PRKCE: variants seen among roughly 807,000 people sequenced by gnomAD.
PRKCE encodes protein kinase C epsilon type.
Under a neutral mutation model 85.4 loss-of-function variants are expected in PRKCE, and 16 were observed. The observed-to-expected ratio is 0.19, with a 90% CI of 0.13 to 0.28. The LOEUF is 0.28. PRKCE is among the 10% of genes least tolerant of loss of function. The pLI is 1.00. For missense variants in PRKCE, 573 were observed against 975.2 expected, an observed-to-expected ratio of 0.59 and a Z score of 5.49; for synonymous variants, 388 against 371.5, an observed-to-expected ratio of 1.04 and a Z score of -0.51.
chr2:46,016,993 C>T (rs532354778), intron 10 of PRKCE, among the ~76,000 whole-genome samples: 9 of 147,792 alleles, frequency 6.1e-5, no homozygotes, highest in East Asian at 4.0e-4. Context: ...TATGAATTCA[C>T]CTACCATACT....
chr2:45,777,103 C>T (rs1316972003), intron 1 of PRKCE, among the ~76,000 whole-genome samples: 3 of 152,046 alleles, frequency 2.0e-5, no homozygotes, highest in African/African-American at 7.2e-5. Flanking sequence ...TTACAGTCCA[C>T]AATTAATAAT....
chr2:45,654,983 C>T (rs1240571596), intron 1 of PRKCE, among the ~76,000 whole-genome samples: 3 of 152,208 alleles, frequency 2.0e-5, no homozygotes, highest in Non-Finnish European at 4.4e-5. Flanking sequence ...AAGAAACACA[C>T]CCTTCTCAGG....
intron 1 of PRKCE, among the ~76,000 whole-genome samples, chr2:45,725,555 C>T (rs551887083): frequency 6.6e-6 from 1 of 152,028 alleles, no homozygotes; most frequent in Non-Finnish European, 1.5e-5. Flanking sequence ...TTCTAGATGC[C>T]ATTAAGAACA....
At chr2:45,830,911 G>C (rs1322825114) in intron 1 of PRKCE, among the ~76,000 whole-genome samples, 5 of 152,212 alleles carry the variant, frequency 3.3e-5, no homozygotes, top group African/African-American at 1.2e-4. Flanking sequence ...AGAATGTACT[G>C]TCCTAGCAAA....
At chr2:45,979,577 G>A (rs984196893) in intron 4 of PRKCE, among the ~76,000 whole-genome samples, 1 of 152,156 alleles carries the variant, frequency 6.6e-6, no homozygotes, top group African/African-American at 2.4e-5. Context: ...CAAAATTGGA[G>A]GGTGGAAATG....
At chr2:45,997,546 T>C (rs1230251761) in intron 6 of PRKCE, among the ~76,000 whole-genome samples, 3 of 152,010 alleles carry the variant, frequency 2.0e-5, no homozygotes, top group Non-Finnish European at 2.9e-5. Context: ...TTATTTTTAT[T>C]TTATTTATTT....
chr2:45,728,172 G>A (rs1197467828), intron 1 of PRKCE, among the ~76,000 whole-genome samples: 1 of 152,174 alleles, frequency 6.6e-6, no homozygotes, highest in Admixed American at 6.5e-5. Context: ...TCCCATCAAG[G>A]GAGTAAGGTG....
chr2:46,154,947 C>G (rs916417125), intron 13 of PRKCE, among the ~76,000 whole-genome samples: 1 of 152,176 alleles, frequency 6.6e-6, no homozygotes, highest in Non-Finnish European at 1.5e-5. Context: ...GGGCTGAGAA[C>G]AGTGCCAAGC....
intron 1 of PRKCE, among the ~76,000 whole-genome samples, chr2:45,687,096 A>G (rs1358433731): frequency 6.6e-6 from 1 of 152,178 alleles, no homozygotes; most frequent in Non-Finnish European, 1.5e-5. Context: ...AGATTGATAT[A>G]TTAAATTTCC....
At chr2:45,788,391 C>G (rs1686780013) in intron 1 of PRKCE, among the ~76,000 whole-genome samples, 1 of 152,180 alleles carries the variant, frequency 6.6e-6, no homozygotes, top group African/African-American at 2.4e-5. Context: ...GTTCACAGAG[C>G]CATTCTGGAT....
chr2:46,040,277 G>A (rs1179811567), intron 10 of PRKCE, among the ~76,000 whole-genome samples: 1 of 152,106 alleles, frequency 6.6e-6, no homozygotes, highest in Non-Finnish European at 1.5e-5. Context: ...ATTCCAGGGA[G>A]AGGATCCACA....
intron 2 of PRKCE, among the ~76,000 whole-genome samples, chr2:45,894,206 A>AT (rs1227971430): frequency 6.6e-6 from 1 of 151,980 alleles, no homozygotes; most frequent in Non-Finnish European, 1.5e-5. Flanking sequence ...CTTAGAGCTG[A>AT]TTTTAGCCAG....
intron 10 of PRKCE, among the ~76,000 whole-genome samples, chr2:46,028,439 T>G (rs374427660): frequency 1.3e-5 from 2 of 152,358 alleles, no homozygotes; most frequent in African/African-American, 4.8e-5. Flanking sequence ...TATCTTTCCA[T>G]TTTCACCTAT....
At chr2:45,677,513 C>A (rs1350631763) in intron 1 of PRKCE, among the ~76,000 whole-genome samples, 2 of 152,026 alleles carry the variant, frequency 1.3e-5, no homozygotes, top group Non-Finnish European at 2.9e-5. Context: ...CCCGCCACCG[C>A]GCCCGGCTAA....
At chr2:46,167,665 C>A (rs1382987018) in intron 14 of PRKCE, 1 of 152,192 alleles carries the variant, frequency 6.6e-6, no homozygotes, top group Non-Finnish European at 1.5e-5. Context: ...GGGTGACTCA[C>A]CCCAGGTGCC....
chr2:45,794,282 G>A (rs530642948), intron 1 of PRKCE, among the ~76,000 whole-genome samples: 6 of 152,242 alleles, frequency 3.9e-5, no homozygotes, highest in Admixed American at 2.0e-4. Flanking sequence ...CACATGGCCC[G>A]AGATGAGCTC....
chr2:45,766,689 A>G (rs1368329689), intron 1 of PRKCE, among the ~76,000 whole-genome samples: 4 of 152,178 alleles, frequency 2.6e-5, no homozygotes, highest in African/African-American at 9.7e-5. Context: ...GGCCTCTTGA[A>G]TCATGCTTCA....
intron 2 of PRKCE, among the ~76,000 whole-genome samples, chr2:45,946,903 T>G (rs1318783889): frequency 6.6e-6 from 1 of 152,228 alleles, no homozygotes; most frequent in Non-Finnish European, 1.5e-5. Context: ...TGGGTGGGCT[T>G]GCCACAGCCA....
intron 1 of PRKCE, among the ~76,000 whole-genome samples, chr2:45,690,704 G>A (rs1572954429): frequency 6.6e-6 from 1 of 152,156 alleles, no homozygotes; most frequent in Non-Finnish European, 1.5e-5. Flanking sequence ...GGAAGAAAGG[G>A]AGTTGTAGAA....
Sources: allele counts gnomAD v4.1 joint callset (sites outside exome capture counted in the v4.1 genomes callset), GRCh38; gene constraint gnomAD v4.1.1; transcripts MANE v1.5; gene names NCBI Gene and HGNC (gene_info 2026-07-23, HGNC 2026-07-21).